The following MYO16 variants were observed in gnomAD, a reference collection of about 807,000 sequenced individuals.
MYO16 encodes unconventional myosin-XVI.
In MYO16, 94 loss-of-function variants were observed where a neutral mutation model predicts 205.3. That is an observed-to-expected ratio of 0.46 (90% CI 0.39 to 0.54). The LOEUF is 0.54. Ranked by LOEUF, MYO16 falls within the 20% of genes least tolerant of loss-of-function variation. The pLI, the probability that MYO16 is intolerant of heterozygous loss-of-function variation, is 0.00. For synonymous variants in MYO16, 988 were observed against 954.0 expected (o/e 1.04, Z -0.66); for missense variants, 2,315 against 2,387.5 (o/e 0.97, Z 0.63).
chr13:109,108,808 C>A (rs1014562078), intron 28 of MYO16, among the ~76,000 whole-genome samples: 1 of 152,010 alleles, frequency 6.6e-6, no homozygotes, highest in African/African-American at 2.4e-5. Context: ...GAGCTGGGGA[C>A]GTGCTGAGGC....
chr13:109,190,327 T>G (rs2139942498), intron 34 of MYO16, among the ~76,000 whole-genome samples: 1 of 152,336 alleles, frequency 6.6e-6, no homozygotes, highest in East Asian at 1.9e-4. Flanking sequence ...TCCACACTTT[T>G]TGCAACATAG....
intron 2 of MYO16, among the ~76,000 whole-genome samples, chr13:108,674,677 G>A (rs908313220): frequency 2.0e-5 from 3 of 152,098 alleles, no homozygotes; most frequent in African/African-American, 4.8e-5. Context: ...ATCCATATAC[G>A]CATTTTTAAA....
chr13:108,906,968 T>C (rs1272682052), intron 15 of MYO16, among the ~76,000 whole-genome samples: 1 of 152,138 alleles, frequency 6.6e-6, no homozygotes, highest in East Asian at 1.9e-4. Context: ...AATGCATAGT[T>C]GTGAAAGAGA....
chr13:108,785,537 T>C, intron 4 of MYO16, 98 bp from the exon 5 acceptor site: 1 of 626,936 alleles, frequency 1.6e-6, no homozygotes, highest in South Asian at 2.6e-5. Flanking sequence ...CGTAGACTAT[T>C]TCTGCATCTG....
chr13:109,001,203 A>G (rs963706536), intron 21 of MYO16, among the ~76,000 whole-genome samples: 2 of 151,154 alleles, frequency 1.3e-5, no homozygotes, highest in African/African-American at 4.8e-5. Context: ...AAGAAAAGGA[A>G]GAGAAGGGGA....
chr13:109,010,263 C>G (rs779275837), intron 22 of MYO16, among the ~76,000 whole-genome samples: 50 of 152,154 alleles, frequency 3.3e-4, no homozygotes, highest in Non-Finnish European at 6.3e-4. Context: ...TAATCCCTTT[C>G]TTATGGCTTA....
intron 3 of MYO16, 112 bp from the exon 4 acceptor site, chr13:108,727,328 C>T (rs1884373176): frequency 3.5e-6 from 4 of 1,129,914 alleles, no homozygotes; most frequent in Non-Finnish European, 5.0e-6. Context: ...TTAGCTTCAC[C>T]TCTCAACTCC....
At chr13:109,061,460 G>A (rs1326601095) in intron 27 of MYO16, among the ~76,000 whole-genome samples, 2 of 152,054 alleles carry the variant, frequency 1.3e-5, no homozygotes, top group East Asian at 3.9e-4. Flanking sequence ...AAAACTTCGT[G>A]ACCATTGCAA....
intron 1 of MYO16, among the ~76,000 whole-genome samples, chr13:108,606,276 G>A (rs982707448): frequency 6.6e-6 from 1 of 152,160 alleles, no homozygotes; most frequent in African/African-American, 2.4e-5. Flanking sequence ...CAAGACAATG[G>A]GGAATTTGTC....
chr13:108,827,845 C>T (rs56158690), intron 9 of MYO16, among the ~76,000 whole-genome samples: 2,547 of 152,236 alleles, frequency 0.017, 61 homozygotes, highest in African/African-American at 0.058. Flanking sequence ...TGAGCATGGA[C>T]GTGCTCACCC....
intron 27 of MYO16, among the ~76,000 whole-genome samples, chr13:109,083,410 A>G (rs998373791): frequency 1.7e-5 from 2 of 120,956 alleles, no homozygotes; most frequent in African/African-American, 5.7e-5. Context: ...AAAAAAAAAA[A>G]AAAAAAAAAG....
chr13:109,160,152 T>A (rs1029199418), intron 32 of MYO16, among the ~76,000 whole-genome samples: 1 of 152,166 alleles, frequency 6.6e-6, no homozygotes, highest in African/African-American at 2.4e-5. Context: ...TTGTGACAAC[T>A]AAAAATGTCT....
intron 7 of MYO16, among the ~76,000 whole-genome samples, chr13:108,812,128 C>T (rs956294674): frequency 6.6e-6 from 1 of 152,126 alleles, no homozygotes; most frequent in Non-Finnish European, 1.5e-5. Context: ...TTAAATTTTA[C>T]CTTGCACGGC....
chr13:108,674,475 G>T (rs1204795695), intron 2 of MYO16, among the ~76,000 whole-genome samples: 1 of 152,200 alleles, frequency 6.6e-6, no homozygotes, highest in African/African-American at 2.4e-5. Context: ...TGTTTCCACA[G>T]GGGTGGTGAT....
chr13:108,688,476 C>T (rs1882767569), intron 2 of MYO16, among the ~76,000 whole-genome samples: 3 of 152,034 alleles, frequency 2.0e-5, no homozygotes, highest in South Asian at 2.1e-4. Context: ...AAATTTCACC[C>T]GCTATTATCG....
intron 22 of MYO16, among the ~76,000 whole-genome samples, chr13:109,010,355 G>T (rs1885550393): frequency 6.6e-6 from 1 of 152,082 alleles, no homozygotes; most frequent in African/African-American, 2.4e-5. Flanking sequence ...TTCTTTTATT[G>T]CTTTATTTCA....
At chr13:109,029,112 C>CTTTTT (rs200871485) in intron 23 of MYO16, among the ~76,000 whole-genome samples, 128 of 98,380 alleles carry the variant, frequency 1.3e-3, no homozygotes, top group East Asian at 1.9e-3. Context: ...TTTTTCTTTT[C>CTTTTT]TTTTTTTTTT....
the MYO16 span, among the ~76,000 whole-genome samples, chr13:108,500,157 A>G: frequency 6.9e-6 from 1 of 144,716 alleles, no homozygotes; most frequent in Non-Finnish European, 1.5e-5. Context: ...TGGAATCCTA[A>G]TCTTGATTGT....
At chr13:108,709,043 G>GA (rs1277355007) in intron 2 of MYO16, among the ~76,000 whole-genome samples, 2 of 145,998 alleles carry the variant, frequency 1.4e-5, no homozygotes, top group African/African-American at 5.1e-5. Flanking sequence ...GCAGCTTGAT[G>GA]ATGAAGCCAC....
Sources: gnomAD v4.1 joint callset for allele counts (sites outside exome capture counted in the v4.1 genomes callset) on GRCh38, gnomAD v4.1.1 for gene constraint, MANE v1.5 for transcripts, NCBI Gene and HGNC (gene_info 2026-07-23, HGNC 2026-07-21) for gene names.